KIF1A: variants seen among roughly 807,000 people sequenced by gnomAD.
KIF1A encodes the protein kinesin family member 1A.
A neutral mutation model predicts 227.3 loss-of-function variants in KIF1A; 46 were observed. The observed-to-expected ratio is 0.20, with a 90% CI of 0.16 to 0.26. KIF1A has a LOEUF of 0.26. Ranked by LOEUF, KIF1A falls within the 10% of genes least tolerant of loss-of-function variation. The probability of loss-of-function intolerance (pLI) is 1.00; values close to 1 mark genes in which losing one functional copy is unlikely to be tolerated. For missense variants in KIF1A, 1,683 were observed against 2,485.9 expected, an observed-to-expected ratio of 0.68 and a Z score of 6.87; for synonymous variants, 1,022 against 1,012.8, an observed-to-expected ratio of 1.01 and a Z score of -0.17.
At chr2:240,808,198 AAG>A (rs1322398290) in intron 1 of KIF1A, among the ~76,000 whole-genome samples, 2 of 152,210 alleles carry the variant, frequency 1.3e-5, no homozygotes, top group African/African-American at 4.8e-5. Context: ...ATTTGAAAGA[AAG>A]AAACCAAACT....
chr2:240,728,318 G>A (rs146890621), intron 38 of KIF1A: 38 of 981,374 alleles, frequency 3.9e-5, no homozygotes, highest in African/African-American at 1.2e-4. Flanking sequence ...GGCAGACGCC[G>A]AGGAGAAAGG....
Position 240,782,784 on chromosome 2 carries a change from G to T in KIF1A, c.865-177C>A, listed in dbSNP as rs144572902. Among the ~76,000 whole-genome samples, 785 of 152,226 alleles carry T rather than the reference G, an allele frequency of 5.2e-3. 7 individuals carry two copies. Among genetic ancestry groups the T allele is most frequent in the African/African-American group, 0.018 (727 of 41,534 alleles). ...GGGTCCCTCCAGGGCCGCCCTTCCC[G>T]GGCCCAGGCCTGGGCTGCCTGCTGC... On this transcript the variant is annotated intron_variant, in intron 9 of 48. Coordinates refer to ENST00000498729, the MANE Select transcript of KIF1A (RefSeq NM_001244008.2).
chr2:240,733,441 A>G (rs2046983154), intron 38 of KIF1A, among the ~76,000 whole-genome samples: 1 of 152,144 alleles, frequency 6.6e-6, no homozygotes. Context: ...CCACCATCAC[A>G]GGGGTCCCTT....
At position 240,793,643 on chromosome 2, in the gene KIF1A, A is replaced by G. The variant is rs1187864241; in HGVS notation, c.106+4004T>C. Among the ~76,000 whole-genome samples the G allele has an allele frequency of 3.3e-5, 5 of 152,226 alleles. No homozygotes were observed. Among genetic ancestry groups the G allele is most frequent in the African/African-American group, 1.2e-4 (5 of 41,460 alleles). On this transcript the variant is annotated intron_variant, in intron 2 of 48. Transcript: ENST00000498729. The surrounding 1 kb of genome is among the most constrained non-coding windows in gnomAD (Gnocchi z 4.8). ...TGCCAGGTCGGACCGAAGTGCACCT[A>G]ATGGACAGCTCAGCTGGCTCACAAA...
intron 1 of KIF1A, among the ~76,000 whole-genome samples, chr2:240,799,436 C>A (rs993488911): frequency 6.6e-6 from 1 of 152,202 alleles, no homozygotes; most frequent in Non-Finnish European, 1.5e-5. Context: ...GCCAGGCCAC[C>A]CTATGGCTAA....
chr2:240,726,603 T>C lies in KIF1A; in HGVS notation c.4122+223A>G, dbSNP rs762087552. ...CCTGGGCGACAAGAGTGAGACTCGG[T>C]CTCAAAAACAAAAAAAAAACAGCAC... is the stretch of plus-strand genomic sequence containing the variant. On this transcript the variant is annotated intron_variant, in intron 39 of 48. Coordinates refer to ENST00000498729, the MANE Select transcript of KIF1A (RefSeq NM_001244008.2). The surrounding 1 kb of genome is among the most constrained non-coding windows in gnomAD (Gnocchi z 5.2). Among the ~76,000 whole-genome samples the C allele has an allele frequency of 6.6e-6, 1 of 151,692 alleles. No individual in the cohort carries two copies.
At chr2:240,732,572 G>A (rs1446164849) in intron 38 of KIF1A, among the ~76,000 whole-genome samples, 1 of 105,616 alleles carries the variant, frequency 9.5e-6, no homozygotes, top group African/African-American at 3.7e-5. Context: ...GATGAGGGGG[G>A]TATGAGGGGA....
intron 6 of KIF1A, 32 bp from the exon 7 acceptor site, chr2:240,785,132 C>A (rs1229475328): frequency 1.9e-6 from 3 of 1,565,128 alleles, no homozygotes; most frequent in Non-Finnish European, 1.8e-6. Context: ...ACGGTTACCC[C>A]TCGTCCTGTG....
intron 48 of KIF1A, 125 bp from the exon 49 acceptor site, chr2:240,717,531 C>CT: frequency 2.4e-6 from 2 of 820,296 alleles, no homozygotes; most frequent in Non-Finnish European, 4.0e-6. Flanking sequence ...CGCTGGTTCC[C>CT]TCACCACCTG....
Position 240,736,346 on chromosome 2 carries a change from TCCCCAAGC to T in KIF1A, c.4007+709_4007+716del, listed in dbSNP as rs1252381515. On this transcript the variant is annotated intron_variant, in intron 38 of 48. Coordinates refer to ENST00000498729, the MANE Select transcript of KIF1A (RefSeq NM_001244008.2). This position sits in a 1 kb window ranked among gnomAD's most constrained non-coding sequence, Gnocchi z 4.7. ...GGACACTGGAGCCCCCGCCTCACTT[TCCCCAAGC>T]CCCTGGAAGGCAGCGTCTGGGACGC... Among the ~76,000 whole-genome samples the T allele has an allele frequency of 6.6e-6, 1 of 151,578 alleles. No homozygotes were observed. The highest frequency in any genetic ancestry group is 1.5e-5 in the Non-Finnish European group (1 of 67,894).
chr2:240,732,382 G>A (rs1268616052), intron 38 of KIF1A, among the ~76,000 whole-genome samples: 15 of 146,758 alleles, frequency 1.0e-4, no homozygotes, highest in Non-Finnish European at 1.7e-4. Flanking sequence ...GAAGAGGGGC[G>A]GAGGGAATGA....
At chr2:240,762,950 G>C in intron 22 of KIF1A, 69 bp downstream of exon 22, 1 of 1,369,730 alleles carries the variant, frequency 7.3e-7, no homozygotes, top group Non-Finnish European at 9.8e-7. Flanking sequence ...AGGAGTGGGG[G>C]CGTGGGAGGA....
At position 240,793,077 on chromosome 2, in the gene KIF1A, A is replaced by T. The variant is rs1441083381; in HGVS notation, c.107-3765T>A. On this transcript the variant is annotated intron_variant, in intron 2 of 48. Transcript: ENST00000498729. This position sits in a 1 kb window ranked among gnomAD's most constrained non-coding sequence, Gnocchi z 4.8. ...GCCATTCAGCATGTAGCCCTCTGTAACAGCAGCCCCAGGGACCACACGGGT... is the reference window on the plus strand; with the variant it reads ...GCCATTCAGCATGTAGCCCTCTGTATCAGCAGCCCCAGGGACCACACGGGT... Among the ~76,000 whole-genome samples, 1 of 152,188 alleles carries T rather than the reference A, an allele frequency of 6.6e-6. No homozygotes were observed. Among genetic ancestry groups the T allele is most frequent in the Non-Finnish European group, 1.5e-5 (1 of 68,032 alleles).
chr2:240,759,447 A>G (rs1208510339), intron 25 of KIF1A, among the ~76,000 whole-genome samples: 1 of 152,168 alleles, frequency 6.6e-6, no homozygotes, highest in Non-Finnish European at 1.5e-5. Flanking sequence ...GGTACCAGAC[A>G]ACTAGGGACA....
At position 240,792,623 on chromosome 2, in the gene KIF1A, G is replaced by C. The variant is rs1227670047; in HGVS notation, c.107-3311C>G. 6.6e-6 allele frequency among the ~76,000 whole-genome samples: 1 copy of C among 152,208 alleles called. No homozygotes were observed. The highest frequency in any genetic ancestry group is 1.5e-5 in the Non-Finnish European group (1 of 68,036). On this transcript the variant is annotated intron_variant, in intron 2 of 48. Transcript: ENST00000498729. The surrounding 1 kb of genome is among the most constrained non-coding windows in gnomAD (Gnocchi z 4.5). ...AGAGTCTCAGCTTTCCTGCGGCCTT[G>C]AGCACCAGGTGTGAGGGCCGAGCTG...
chr2:240,727,755 C>A (rs563291002), intron 38 of KIF1A, among the ~76,000 whole-genome samples: 1 of 152,286 alleles, frequency 6.6e-6, no homozygotes, highest in East Asian at 1.9e-4. Context: ...ATTTTACATC[C>A]CCATGGGGTC....
intron 15 of KIF1A, 65 bp from the exon 16 acceptor site, chr2:240,769,771 C>A: frequency 7.4e-7 from 1 of 1,357,498 alleles, no homozygotes; most frequent in Non-Finnish European, 1.0e-6. Context: ...ACAATGGAGA[C>A]ACGGGTGCCA....
At chr2:240,780,669 A>C (rs28572691) in intron 10 of KIF1A, among the ~76,000 whole-genome samples, 150,030 of 151,868 alleles carry the variant, frequency 0.99, 74,116 homozygotes, top group East Asian at 1. Context: ...TCGGGTTCCC[A>C]CCACGGTTCC....
chr2:240,813,317 A>G (rs866161483), intron 1 of KIF1A, among the ~76,000 whole-genome samples: 43 of 152,178 alleles, frequency 2.8e-4, no homozygotes, highest in African/African-American at 1.0e-3. Flanking sequence ...ACAGCCCCCA[A>G]CTGCAAAGGG....
Sources: allele counts gnomAD v4.1 joint callset (sites outside exome capture counted in the v4.1 genomes callset), GRCh38; gene constraint gnomAD v4.1.1; non-coding constraint Gnocchi (gnomAD v3.1); transcripts MANE v1.5; gene names NCBI Gene and HGNC (gene_info 2026-07-23, HGNC 2026-07-21).